LRCH1: variants seen among roughly 807,000 people sequenced by gnomAD.
The protein encoded by LRCH1 is leucine-rich repeat and calponin homology domain-containing protein 1.
LRCH1 carries 23 observed loss-of-function variants against 94.9 expected under a neutral mutation model. The ratio of observed to expected loss-of-function variants is 0.24; its 90% CI spans 0.17 to 0.34. The LOEUF is 0.34. LRCH1 is among the 10% of genes least tolerant of loss of function. LRCH1 has a pLI of 1.00. For missense variants in LRCH1, 790 were observed against 945.9 expected, an observed-to-expected ratio of 0.84 and a Z score of 2.16; for synonymous variants, 364 against 354.9, an observed-to-expected ratio of 1.03 and a Z score of -0.29.
At chr13:46,569,817 T>C (rs2050222569) in intron 1 of LRCH1, among the ~76,000 whole-genome samples, 1 of 152,146 alleles carries the variant, frequency 6.6e-6, no homozygotes, top group African/African-American at 2.4e-5. Context: ...CTGTCTTCAT[T>C]GCACTTGCCA....
Position 46,722,004 on chromosome 13 carries a change from C to G in LRCH1, c.1760-1217C>G, listed in dbSNP as rs750979409. ...GCACAGGACTTTTGATTACACCGAG[C>G]GGACTCAAGTCTTTGTATCCAAAGT... On this transcript the variant is annotated intron_variant, in intron 16 of 19. Coordinates refer to ENST00000389797, the MANE Select transcript of LRCH1 (RefSeq NM_001164211.2). Among the ~76,000 whole-genome samples the G allele has an allele frequency of 2.0e-5, 3 of 152,098 alleles. No individual in the cohort carries two copies. The East Asian group carries it at 5.8e-4, about 29-fold the overall frequency.
chr13:46,619,113 T>TTCCTTCCTTCCTTCCTTCC (rs143168003), intron 1 of LRCH1, among the ~76,000 whole-genome samples: 2,816 of 90,710 alleles, frequency 0.031, 86 homozygotes, highest in African/African-American at 0.051. Flanking sequence ...CCTTCCTTCC[T>TTCCTTCCTTCCTTCCTTCC]TTTTTTTGGT....
chr13:46,650,463 A>G (rs1381243915), intron 2 of LRCH1, 118 bp downstream of exon 2: 122 of 763,720 alleles, frequency 1.6e-4, no homozygotes, highest in Non-Finnish European at 7.4e-5. Flanking sequence ...GATGTAGGTC[A>G]CACACAGATG....
rs1581766 is a variant in LRCH1 at position 46,636,642 on chromosome 13, C to T, written c.308-13559C>T. 7.5e-3 allele frequency among the ~76,000 whole-genome samples: 1,138 copies of T among 152,286 alleles called. 21 individuals are homozygous for T. Among genetic ancestry groups the T allele is most frequent in the African/African-American group, 0.026 (1,070 of 41,550 alleles). ...TACATTCCCCCTCCACCACTTTTCT[C>T]AGGGTCACCTGTGGCCTCCACTTGC... On this transcript the variant is annotated intron_variant, in intron 1 of 19. Coordinates refer to ENST00000389797, the MANE Select transcript of LRCH1 (RefSeq NM_001164211.2).
At chr13:46,619,162 T>A (rs1000671908) in intron 1 of LRCH1, among the ~76,000 whole-genome samples, 2 of 150,266 alleles carry the variant, frequency 1.3e-5, no homozygotes, top group East Asian at 3.9e-4. Context: ...CAGGCTGGAG[T>A]GCAGTGGCAC....
At chr13:46,635,156 A>T (rs1324801744) in intron 1 of LRCH1, among the ~76,000 whole-genome samples, 1 of 152,132 alleles carries the variant, frequency 6.6e-6, no homozygotes, top group East Asian at 1.9e-4. Context: ...CTTACTTTCA[A>T]TTCATATCCA....
At chr13:46,687,176 C>G (rs1414361594) in intron 5 of LRCH1, among the ~76,000 whole-genome samples, 1 of 152,076 alleles carries the variant, frequency 6.6e-6, no homozygotes, top group East Asian at 1.9e-4. Flanking sequence ...CCAGGCTGCT[C>G]TCTAATTCCT....
intron 1 of LRCH1, among the ~76,000 whole-genome samples, chr13:46,598,357 A>G (rs1416596904): frequency 1.3e-5 from 2 of 151,536 alleles, no homozygotes; most frequent in Non-Finnish European, 2.9e-5. Flanking sequence ...TTAGTGTACA[A>G]TTGGTATAAA....
chr13:46,600,797 G>A (rs879630320), intron 1 of LRCH1, among the ~76,000 whole-genome samples: 5 of 152,292 alleles, frequency 3.3e-5, no homozygotes, highest in Admixed American at 3.3e-4. Flanking sequence ...AACAAATACT[G>A]AGCACTGGTG....
intron 3 of LRCH1, among the ~76,000 whole-genome samples, chr13:46,676,487 C>T (rs192428362): frequency 3.9e-5 from 6 of 152,124 alleles, no homozygotes; most frequent in Admixed American, 2.6e-4. Flanking sequence ...AGACATTTAC[C>T]TAAAGTTACA....
At chr13:46,600,697 A>G (rs186888710) in intron 1 of LRCH1, among the ~76,000 whole-genome samples, 138 of 151,788 alleles carry the variant, frequency 9.1e-4, no homozygotes, top group Admixed American at 2.4e-3. Context: ...GTTTACAGTT[A>G]CTGCTAAGGA....
At position 46,681,805 on chromosome 13, in the gene LRCH1, A is replaced by G; in HGVS notation, c.644A>G (p.Glu215Gly). ...QQIGQLKSLR[E>G]LNVRRNYLKV... ...ATAGGTCAGTTGAAATCTCTACGAG[A>G]ACTGAATGTCAGAAGAAATTACCTT... The change falls in exon 4 of 20, where the codon GAA (glutamate) becomes GGA (glycine). Residue 215 changes from glutamate (E) to glycine (G), a missense_variant. Physicochemically the swap from Glu to Gly is moderately conservative, Grantham distance 98. Coordinates refer to ENST00000389797, the MANE Select transcript of LRCH1 (RefSeq NM_001164211.2). 2 of 1,613,830 alleles carry G rather than the reference A, an allele frequency of 1.2e-6. No individual in the cohort carries two copies. Among genetic ancestry groups the G allele is most frequent in the Non-Finnish European group, 1.7e-6 (2 of 1,179,726 alleles).
At chr13:46,721,048 A>G (rs1872566465) in intron 16 of LRCH1, among the ~76,000 whole-genome samples, 1 of 152,170 alleles carries the variant, frequency 6.6e-6, no homozygotes, top group Admixed American at 6.5e-5. Flanking sequence ...TGCATGTTAT[A>G]TTTTTAAGAT....
intron 17 of LRCH1, 47 bp downstream of exon 17, chr13:46,723,377 C>G (rs1164749806): frequency 7.4e-7 from 1 of 1,355,994 alleles, no homozygotes; most frequent in Admixed American, 1.8e-5. Flanking sequence ...AAGCAACATT[C>G]TACATTTTTG....
At chr13:46,568,984 A>G (rs1055313899) in intron 1 of LRCH1, among the ~76,000 whole-genome samples, 4 of 152,254 alleles carry the variant, frequency 2.6e-5, no homozygotes, top group Admixed American at 6.5e-5. Flanking sequence ...TTTAAAACAC[A>G]GAATAACTGA....
intron 1 of LRCH1, among the ~76,000 whole-genome samples, chr13:46,631,476 G>T (rs2051016871): frequency 6.6e-6 from 1 of 152,148 alleles, no homozygotes; most frequent in South Asian, 2.1e-4. Context: ...ATAGCACTTT[G>T]GGTAGTTTTT....
At chr13:46,667,355 T>TCATATGGAGGAGAGTCA (rs2051530610) in intron 2 of LRCH1, among the ~76,000 whole-genome samples, 1 of 152,088 alleles carries the variant, frequency 6.6e-6, no homozygotes. Flanking sequence ...TTCTGCTCCC[T>TCATATGGAGGAGAGTCA]CATATGGAGG....
At chr13:46,677,979 G>T in intron 3 of LRCH1, among the ~76,000 whole-genome samples, 1 of 152,130 alleles carries the variant, frequency 6.6e-6, no homozygotes, top group South Asian at 2.1e-4. Flanking sequence ...CTAAGACATA[G>T]CTTAGGGCTA....
intron 9 of LRCH1, among the ~76,000 whole-genome samples, chr13:46,697,201 AT>A (rs1871242094): frequency 6.6e-6 from 1 of 152,222 alleles, no homozygotes; most frequent in South Asian, 2.1e-4. Flanking sequence ...ATATCGAATT[AT>A]CCAATACTGA....
Sources: allele counts gnomAD v4.1 joint callset (sites outside exome capture counted in the v4.1 genomes callset), GRCh38; gene constraint gnomAD v4.1.1; transcripts MANE v1.5; gene names NCBI Gene and HGNC (gene_info 2026-07-23, HGNC 2026-07-21).